The following AVEN variants were observed in gnomAD, a reference collection of about 807,000 sequenced individuals.
AVEN encodes apoptosis and caspase activation inhibitor, also known as cell death regulator Aven.
Under a neutral mutation model 38.1 loss-of-function variants are expected in AVEN, and 41 were observed. That is an observed-to-expected ratio of 1.08 (90% CI 0.84 to 1.40). The LOEUF is 1.40. AVEN is among the 40% of genes most tolerant of loss of function. The pLI is 0.00. For synonymous variants in AVEN, 206 were observed against 171.8 expected (o/e 1.20, Z -1.56); for missense variants, 605 against 438.8 (o/e 1.38, Z -3.38).
At chr15:33,868,566 A>T (rs1221875553) in intron 4 of AVEN, among the ~76,000 whole-genome samples, 2 of 151,394 alleles carry the variant, frequency 1.3e-5, no homozygotes, top group African/African-American at 4.9e-5. Context: ...AAAAAAAAAA[A>T]AAGTCACCAG....
chr15:33,861,241 T>C (rs1362221879), downstream of AVEN: 22 of 1,194,446 alleles, frequency 1.8e-5, no homozygotes, highest in Middle Eastern at 1.9e-4. Context: ...AATTAGGTCA[T>C]ATAGTTCAGT....
chr15:33,909,869 C>G (rs1025760734), intron 2 of AVEN, among the ~76,000 whole-genome samples: 1 of 151,824 alleles, frequency 6.6e-6, no homozygotes, highest in African/African-American at 2.4e-5. Context: ...TGGCTCATGT[C>G]TGTAATCCCA....
intron 2 of AVEN, among the ~76,000 whole-genome samples, chr15:33,901,198 C>T (rs906232316): frequency 1.3e-5 from 2 of 152,066 alleles, no homozygotes; most frequent in Non-Finnish European, 1.5e-5. Context: ...ACCCGGGAGG[C>T]GGAGCTTGCA....
At chr15:34,009,758 T>A (rs1057450915) in intron 1 of AVEN, among the ~76,000 whole-genome samples, 4 of 151,854 alleles carry the variant, frequency 2.6e-5, no homozygotes, top group African/African-American at 9.7e-5. Context: ...GAGGCCAAGG[T>A]AGGGAGGGTC....
At chr15:34,023,265 T>G (rs1898292498) in intron 1 of AVEN, among the ~76,000 whole-genome samples, 1 of 152,176 alleles carries the variant, frequency 6.6e-6, no homozygotes, top group Non-Finnish European at 1.5e-5. Flanking sequence ...CACTTCACAA[T>G]CTGCCAGCTT....
intron 2 of AVEN, among the ~76,000 whole-genome samples, chr15:33,998,917 A>G (rs1897038079): frequency 6.6e-6 from 1 of 152,186 alleles, no homozygotes; most frequent in Non-Finnish European, 1.5e-5. Context: ...GACTTTAAAT[A>G]TCATCTATAG....
intron 2 of AVEN, among the ~76,000 whole-genome samples, chr15:33,921,145 A>G (rs540024560): frequency 1.3e-5 from 2 of 152,364 alleles, no homozygotes; most frequent in African/African-American, 4.8e-5. Context: ...CCACAAAGCA[A>G]AATTTCCATT....
intron 1 of AVEN, among the ~76,000 whole-genome samples, chr15:34,019,212 G>T (rs1597358205): frequency 6.6e-6 from 1 of 152,288 alleles, no homozygotes; most frequent in South Asian, 2.1e-4. Context: ...ACCCTGTGTA[G>T]GCCTAGGCTA....
At chr15:34,005,342 T>C (rs1449500706) in intron 1 of AVEN, among the ~76,000 whole-genome samples, 1 of 152,192 alleles carries the variant, frequency 6.6e-6, no homozygotes, top group African/African-American at 2.4e-5. Context: ...TTAAGTCTCT[T>C]TGAATCTAGC....
At chr15:33,937,932 C>CAAAAAAAAAAA (rs55887919) in intron 2 of AVEN, among the ~76,000 whole-genome samples, 7 of 100,860 alleles carry the variant, frequency 6.9e-5, no homozygotes, top group South Asian at 3.6e-4. Flanking sequence ...CCTACTTGAC[C>CAAAAAAAAAAA]AAAAAAAAAA....
rs1383513917 is a variant in AVEN, at chr15:34,000,033, T to A, written c.445+2999A>T. ...CACTGGCCTTCCTTGCGATTCCCTATCCTCCTATCTCAAAGCCTTTGAGCT... is the reference window on the plus strand; with the variant it reads ...CACTGGCCTTCCTTGCGATTCCCTAACCTCCTATCTCAAAGCCTTTGAGCT... On this transcript the variant is annotated intron_variant, in intron 2 of 5. Transcript: ENST00000306730. Among the ~76,000 whole-genome samples the A allele has an allele frequency of 2.0e-5, 3 of 152,148 alleles. No homozygotes were observed. The East Asian group carries it at 5.8e-4, about 29-fold the overall frequency.
intron 1 of AVEN, among the ~76,000 whole-genome samples, chr15:34,015,688 A>G (rs1567468415): frequency 6.6e-6 from 1 of 152,298 alleles, no homozygotes; most frequent in African/African-American, 2.4e-5. Context: ...AAAAGTGGGT[A>G]GAGAGACTCT....
At chr15:33,926,582 A>T (rs188985976) in intron 2 of AVEN, among the ~76,000 whole-genome samples, 5 of 152,314 alleles carry the variant, frequency 3.3e-5, no homozygotes, top group African/African-American at 9.6e-5. Flanking sequence ...AGGCTGAGAC[A>T]GGAGGATTGC....
intron 3 of AVEN, among the ~76,000 whole-genome samples, chr15:33,873,714 G>C (rs548282876): frequency 2.4e-4 from 37 of 151,956 alleles, no homozygotes; most frequent in Non-Finnish European, 4.3e-4. Flanking sequence ...TTTCAGCCAT[G>C]TCCTACCAAC....
At chr15:34,067,227 A>G (rs1001431821) in intron 2 of AVEN, 2 of 152,194 alleles carry the variant, frequency 1.3e-5, no homozygotes, top group Admixed American at 6.5e-5. Flanking sequence ...TTTTGGTTGA[A>G]CAAAGCATTT....
At chr15:33,997,778 T>C (rs1896996616) in intron 2 of AVEN, among the ~76,000 whole-genome samples, 1 of 152,200 alleles carries the variant, frequency 6.6e-6, no homozygotes, top group Admixed American at 6.5e-5. Flanking sequence ...TCATTGCATT[T>C]GCTCTGCTAA....
chr15:34,042,975 C>T (rs897546116), upstream of AVEN, among the ~76,000 whole-genome samples: 4 of 151,876 alleles, frequency 2.6e-5, no homozygotes, highest in East Asian at 2.0e-4. Flanking sequence ...TGGCCAGGCG[C>T]GGTGGCTCAC....
downstream of AVEN, among the ~76,000 whole-genome samples, chr15:33,855,660 GCCAATGAT>G (rs2153003095): frequency 2.5e-5 from 2 of 79,736 alleles, no homozygotes; most frequent in South Asian, 8.0e-4. Context: ...CCAATTAAGA[GCCAATGAT>G]TTCAGATACA....
intron 2 of AVEN, among the ~76,000 whole-genome samples, chr15:33,986,838 TA>T (rs1175936252): frequency 6.6e-6 from 1 of 152,014 alleles, no homozygotes; most frequent in East Asian, 1.9e-4. Context: ...TTTGTATTTT[TA>T]GTAGAGATGG....
Sources: gnomAD v4.1 joint callset for allele counts (sites outside exome capture counted in the v4.1 genomes callset) on GRCh38, gnomAD v4.1.1 for gene constraint, MANE v1.5 for transcripts, NCBI Gene and HGNC (gene_info 2026-07-23, HGNC 2026-07-21) for gene names.